The following GRIK2 variants were observed in gnomAD, a reference collection of about 807,000 sequenced individuals.
GRIK2 encodes the protein glutamate receptor ionotropic, kainate 2.
A neutral mutation model predicts 100.3 loss-of-function variants in GRIK2; 32 were observed. The observed-to-expected ratio is 0.32, with a 90% CI of 0.24 to 0.43. GRIK2 has a LOEUF of 0.43. Ranked by LOEUF, GRIK2 falls within the 20% of genes least tolerant of loss-of-function variation. The pLI is 1.00. For synonymous variants in GRIK2, 417 were observed against 389.4 expected (o/e 1.07, Z -0.83); for missense variants, 843 against 1,114.9 (o/e 0.76, Z 3.47).
chr6:101,536,223 A>T (rs551755979), intron 2 of GRIK2, among the ~76,000 whole-genome samples: 2 of 151,736 alleles, frequency 1.3e-5, no homozygotes, highest in Non-Finnish European at 3.0e-5. Flanking sequence ...TTGCTTCAAC[A>T]TACTCTATTC....
At chr6:101,564,853 A>G (rs558826882) in intron 2 of GRIK2, among the ~76,000 whole-genome samples, 45 of 152,268 alleles carry the variant, frequency 3.0e-4, no homozygotes, top group African/African-American at 9.9e-4. Context: ...ATGGGACAAT[A>G]GCACTCCGAT....
intron 7 of GRIK2, among the ~76,000 whole-genome samples, chr6:101,770,112 T>G (rs1778304894): frequency 6.6e-6 from 1 of 152,238 alleles, no homozygotes; most frequent in South Asian, 2.1e-4. Flanking sequence ...TTTGTTCATT[T>G]TTTAACATTA....
At chr6:102,041,204 C>T (rs143501281) in intron 15 of GRIK2, among the ~76,000 whole-genome samples, 28 of 151,524 alleles carry the variant, frequency 1.8e-4, no homozygotes, top group African/African-American at 6.5e-4. Context: ...TGTGAACAGC[C>T]GTGATTAATA....
chr6:101,463,679 C>G (rs962822632), intron 2 of GRIK2, among the ~76,000 whole-genome samples: 4 of 152,050 alleles, frequency 2.6e-5, no homozygotes, highest in Non-Finnish European at 5.9e-5. Flanking sequence ...ACCTCCAAGA[C>G]GTTGCCTCTA....
At chr6:101,744,904 G>T (rs1776333499) in intron 7 of GRIK2, 1 of 151,908 alleles carries the variant, frequency 6.6e-6, no homozygotes, top group South Asian at 2.1e-4. Flanking sequence ...TCCATTTGTT[G>T]ATTGATGGGC....
intron 2 of GRIK2, among the ~76,000 whole-genome samples, chr6:101,544,380 G>A (rs1776139150): frequency 1.3e-5 from 2 of 152,144 alleles, no homozygotes; most frequent in South Asian, 4.1e-4. Context: ...AAAGCTGAAT[G>A]AAACTCCATG....
intron 14 of GRIK2, among the ~76,000 whole-genome samples, chr6:102,011,577 C>CT (rs763369559): frequency 0.066 from 5,067 of 76,360 alleles, 372 homozygotes; most frequent in African/African-American, 0.093. Context: ...CTTTCTTTTC[C>CT]TTTTTTTTTT....
At chr6:101,556,881 A>G (rs1776774811) in intron 2 of GRIK2, among the ~76,000 whole-genome samples, 1 of 152,208 alleles carries the variant, frequency 6.6e-6, no homozygotes, top group Non-Finnish European at 1.5e-5. Flanking sequence ...TTTTAAAAAG[A>G]TAAATAATTT....
At chr6:101,553,405 C>T (rs1025969115) in intron 2 of GRIK2, among the ~76,000 whole-genome samples, 7 of 152,124 alleles carry the variant, frequency 4.6e-5, no homozygotes, top group South Asian at 2.1e-4. Context: ...ATTTCTGATT[C>T]GTGAAGAATT....
intron 2 of GRIK2, among the ~76,000 whole-genome samples, chr6:101,524,287 C>A (rs1367501484): frequency 1.3e-5 from 2 of 152,024 alleles, no homozygotes; most frequent in Admixed American, 1.3e-4. Flanking sequence ...AAGAAATAAA[C>A]CACTTTTGCC....
At chr6:101,723,078 G>C (rs1774602032) in intron 7 of GRIK2, among the ~76,000 whole-genome samples, 1 of 152,014 alleles carries the variant, frequency 6.6e-6, no homozygotes, top group South Asian at 2.1e-4. Flanking sequence ...TGAGTAGTTA[G>C]AGTCCATGCT....
At chr6:101,587,182 C>T (rs893287361) in intron 2 of GRIK2, among the ~76,000 whole-genome samples, 13 of 151,768 alleles carry the variant, frequency 8.6e-5, no homozygotes, top group African/African-American at 3.1e-4. Flanking sequence ...CAAAATAGAA[C>T]TGCTGGAAAT....
intron 15 of GRIK2, among the ~76,000 whole-genome samples, chr6:102,043,457 T>G (rs1397249594): frequency 6.6e-6 from 1 of 151,894 alleles, no homozygotes; most frequent in Non-Finnish European, 1.5e-5. Context: ...TGCTTTCTGT[T>G]TCTATCAGTT....
At chr6:102,046,114 G>T (rs1241851349) in intron 15 of GRIK2, among the ~76,000 whole-genome samples, 1 of 151,838 alleles carries the variant, frequency 6.6e-6, no homozygotes, top group Non-Finnish European at 1.5e-5. Context: ...TAATGATAAA[G>T]GAGGAAATAA....
At chr6:101,962,348 T>G (rs903305934) in intron 14 of GRIK2, among the ~76,000 whole-genome samples, 5 of 151,702 alleles carry the variant, frequency 3.3e-5, no homozygotes, top group Non-Finnish European at 5.9e-5. Context: ...AAAAAAAACC[T>G]CAACTCTGTT....
chr6:101,577,443 G>A (rs368415739), intron 2 of GRIK2, among the ~76,000 whole-genome samples: 10 of 151,830 alleles, frequency 6.6e-5, no homozygotes, highest in East Asian at 1.9e-4. Context: ...AGTAATTTTT[G>A]TATTCTCAGA....
chr6:101,591,704 A>G (rs1364725881), intron 2 of GRIK2, among the ~76,000 whole-genome samples: 3 of 152,082 alleles, frequency 2.0e-5, no homozygotes, highest in Admixed American at 6.6e-5. Flanking sequence ...ATAATGAAGT[A>G]TGGTGGGGAA....
chr6:101,652,657 A>G (rs889271061), intron 4 of GRIK2, among the ~76,000 whole-genome samples: 3 of 152,210 alleles, frequency 2.0e-5, no homozygotes, highest in Non-Finnish European at 2.9e-5. Flanking sequence ...CAGTATGTTT[A>G]TATTCTGCTG....
chr6:101,742,221 C>T (rs1331471326), intron 7 of GRIK2, among the ~76,000 whole-genome samples: 1 of 152,134 alleles, frequency 6.6e-6, no homozygotes, highest in Non-Finnish European at 1.5e-5. Flanking sequence ...ACGCAGTATG[C>T]CAATCACTAA....
Sources: gnomAD v4.1 joint callset for allele counts (sites outside exome capture counted in the v4.1 genomes callset) on GRCh38, gnomAD v4.1.1 for gene constraint, MANE v1.5 for transcripts, NCBI Gene and HGNC (gene_info 2026-07-23, HGNC 2026-07-21) for gene names.